Variants in CLASP2 observed in about 807,000 individuals in gnomAD.
CLASP2 encodes the protein cytoplasmic linker associated protein 2.
A neutral mutation model predicts 194.4 loss-of-function variants in CLASP2; 47 were observed. The observed-to-expected ratio is 0.24, with a 90% CI of 0.19 to 0.31. The LOEUF is 0.31. CLASP2 is among the 10% of genes least tolerant of loss of function. The pLI is 1.00. For synonymous variants in CLASP2, 619 were observed against 633.5 expected, an observed-to-expected ratio of 0.98 and a Z score of 0.34; for missense variants, 1,445 against 1,823.6, an observed-to-expected ratio of 0.79 and a Z score of 3.78.
At chr3:33,520,017 C>G (rs1460484138) in intron 34 of CLASP2, among the ~76,000 whole-genome samples, 1 of 152,080 alleles carries the variant, frequency 6.6e-6, no homozygotes, top group African/African-American at 2.4e-5. Flanking sequence ...TTATCTCTCT[C>G]TTTTCTTTTT....
chr3:33,666,140 T>C (rs1021111849), intron 6 of CLASP2, among the ~76,000 whole-genome samples: 1 of 152,184 alleles, frequency 6.6e-6, no homozygotes, highest in South Asian at 2.1e-4. Flanking sequence ...AAATCCCAAG[T>C]ATAACATGAA....
intron 12 of CLASP2, among the ~76,000 whole-genome samples, chr3:33,617,507 T>G (rs2076390780): frequency 6.6e-6 from 1 of 152,158 alleles, no homozygotes; most frequent in South Asian, 2.1e-4. Flanking sequence ...AATATTTTTG[T>G]GTAACTGTGA....
intron 21 of CLASP2, among the ~76,000 whole-genome samples, chr3:33,586,112 A>G (rs566327513): frequency 2.0e-5 from 3 of 151,956 alleles, no homozygotes; most frequent in South Asian, 4.2e-4. Context: ...GAAAACATCA[A>G]ATGAATCAGA....
intron 2 of CLASP2, among the ~76,000 whole-genome samples, chr3:33,690,718 T>A (rs2091253270): frequency 6.6e-6 from 1 of 152,212 alleles, no homozygotes; most frequent in Admixed American, 6.5e-5. Flanking sequence ...CTGAGTAGCA[T>A]GATGAATTCT....
intron 1 of CLASP2, among the ~76,000 whole-genome samples, chr3:33,706,578 T>C (rs2092695017): frequency 6.6e-6 from 1 of 152,146 alleles, no homozygotes; most frequent in South Asian, 2.1e-4. Flanking sequence ...AGAAAAAAGA[T>C]ACAGACAGAA....
intron 33 of CLASP2, 33 bp downstream of exon 33, chr3:33,538,752 AAAAT>A: frequency 2.0e-6 from 3 of 1,480,688 alleles, no homozygotes; most frequent in Non-Finnish European, 2.7e-6. Context: ...AATGAACAAT[AAAAT>A]AGTCTGGAAA....
intron 29 of CLASP2, 93 bp from the exon 30 acceptor site, chr3:33,551,488 T>G (rs1186506251): frequency 2.4e-6 from 3 of 1,274,756 alleles, no homozygotes; most frequent in Non-Finnish European, 3.2e-6. Context: ...TGATGATGAT[T>G]TTTTTTTTTA....
At chr3:33,566,818 T>C (rs2062823392) in intron 26 of CLASP2, 84 bp from the exon 27 acceptor site, 1 of 415,984 alleles carries the variant, frequency 2.4e-6, no homozygotes, top group African/African-American at 2.1e-5. Flanking sequence ...TCGCCATCAA[T>C]GCAAAGTTCC....
chr3:33,529,944 G>T (rs939915430), intron 34 of CLASP2, among the ~76,000 whole-genome samples: 2 of 134,558 alleles, frequency 1.5e-5, no homozygotes. Context: ...CGCCACTGCG[G>T]TCCGCAGTCC....
intron 28 of CLASP2, among the ~76,000 whole-genome samples, chr3:33,559,850 C>A (rs1277645858): frequency 6.6e-6 from 1 of 151,974 alleles, no homozygotes; most frequent in African/African-American, 2.4e-5. Flanking sequence ...GCCGAGATTG[C>A]GCCATTGCAC....
At chr3:33,509,483 G>T (rs1222882894) in intron 37 of CLASP2, among the ~76,000 whole-genome samples, 2 of 152,092 alleles carry the variant, frequency 1.3e-5, no homozygotes, top group Non-Finnish European at 2.9e-5. Flanking sequence ...CCAAAGTGCT[G>T]GTATTATAGG....
At chr3:33,578,102 C>T (rs1418336778) in intron 23 of CLASP2, among the ~76,000 whole-genome samples, 2 of 152,172 alleles carry the variant, frequency 1.3e-5, no homozygotes, top group Non-Finnish European at 1.5e-5. Flanking sequence ...AGTATCTATA[C>T]TCTTTTAATT....
chr3:33,499,686 T>C (rs1471601056), intron 38 of CLASP2, among the ~76,000 whole-genome samples: 1 of 152,120 alleles, frequency 6.6e-6, no homozygotes, highest in African/African-American at 2.4e-5. Context: ...AACAGACTAA[T>C]ATAACATTAA....
Position 33,655,745 on chromosome 3 carries a change from A to G in CLASP2, c.715+7700T>C, listed in dbSNP as rs2084058430. ...TAAACAATTGTAAATCAAGTTTTAT[A>G]TATATATACACACATACCAAGTTAT... On this transcript the variant is annotated intron_variant, in intron 7 of 38. Coordinates refer to ENST00000682230, the MANE Select transcript of CLASP2 (RefSeq NM_001365631.1). 2.0e-5 allele frequency among the ~76,000 whole-genome samples: 3 copies of G among 152,274 alleles called. No individual in the cohort carries two copies. The South Asian group carries it at 6.3e-4, about 32-fold the overall frequency.
chr3:33,566,650 T>G, intron 27 of CLASP2, 82 bp downstream of exon 27: 1 of 415,966 alleles, frequency 2.4e-6, no homozygotes, highest in Non-Finnish European at 4.7e-6. Context: ...ATGAACTCTT[T>G]GGGAGAGAAA....
At chr3:33,565,405 T>C (rs1481632754) in intron 27 of CLASP2, among the ~76,000 whole-genome samples, 1 of 151,790 alleles carries the variant, frequency 6.6e-6, no homozygotes, top group African/African-American at 2.4e-5. Flanking sequence ...GGTCTCAAAC[T>C]CCTGACCTGA....
intron 29 of CLASP2, chr3:33,554,918 CT>C (rs2060658070): frequency 6.6e-6 from 1 of 152,294 alleles, no homozygotes; most frequent in Admixed American, 6.5e-5. Flanking sequence ...TTGTAACTGA[CT>C]TGTGTTTCTG....
chr3:33,508,711 TGGTTATCCTGAAAATA>T (rs1257098007), intron 37 of CLASP2, among the ~76,000 whole-genome samples: 1 of 152,208 alleles, frequency 6.6e-6, no homozygotes, highest in Non-Finnish European at 1.5e-5. Flanking sequence ...ATCAAATATT[TGGTTATCCTGAAAATA>T]GGATAGGTAG....
intron 1 of CLASP2, among the ~76,000 whole-genome samples, chr3:33,715,840 T>C (rs917372562): frequency 8.2e-6 from 1 of 122,092 alleles, no homozygotes; most frequent in East Asian, 2.3e-4. Context: ...TTTTATTGTA[T>C]CTTAAGTAAA....
Sources: gnomAD v4.1 joint callset for allele counts (sites outside exome capture counted in the v4.1 genomes callset) on GRCh38, gnomAD v4.1.1 for gene constraint, MANE v1.5 for transcripts, NCBI Gene and HGNC (gene_info 2026-07-23, HGNC 2026-07-21) for gene names.